AHCTF1: variants seen among roughly 807,000 people sequenced by gnomAD.
AHCTF1 encodes protein ELYS.
AHCTF1 carries 24 observed loss-of-function variants against 248.4 expected under a neutral mutation model. The observed-to-expected ratio is 0.10, with a 90% CI of 0.07 to 0.14. AHCTF1 has a LOEUF of 0.14. Among genes scored for constraint, AHCTF1 ranks in the 10% least tolerant of loss-of-function variants. The probability of loss-of-function intolerance (pLI) is 1.00; values close to 1 mark genes in which losing one functional copy is unlikely to be tolerated. For synonymous variants in AHCTF1, 786 were observed against 929.8 expected (o/e 0.85, Z 2.81); for missense variants, 2,206 against 2,636.2 (o/e 0.84, Z 3.57).
chr1:246,918,466 C>CA, intron 1 of AHCTF1, 89 bp from the exon 2 acceptor site: 1 of 1,248,504 alleles, frequency 8.0e-7, no homozygotes, highest in East Asian at 2.9e-5. Flanking sequence ...CAGTAAAAGC[C>CA]ACCAACAAAA....
At position 246,860,191 on chromosome 1, in the gene AHCTF1, G is replaced by C. The variant is rs987242121; in HGVS notation, c.4132+708C>G. Among the ~76,000 whole-genome samples the C allele has an allele frequency of 1.9e-3, 45 of 23,932 alleles. No homozygotes were observed. The African/African-American group carries it at 0.055, about 29-fold the overall frequency. The allele number at this position is 23,932 out of a possible 152,430, so 15.7% of individuals were successfully genotyped here. On this transcript the variant is annotated intron_variant, in intron 29 of 35. Coordinates refer to ENST00000648844, the MANE Select transcript of AHCTF1 (RefSeq NM_001323342.2). ...AGAAGAACTGCTTGAACCTGGTTGG[G>C]GGGGGGGCGGAGGTTGCAGTGAGCC... is the stretch of plus-strand genomic sequence containing the variant.
intron 29 of AHCTF1, 25 bp from the exon 30 acceptor site, chr1:246,857,839 T>C (rs556378764): frequency 4.6e-5 from 72 of 1,571,062 alleles, no homozygotes; most frequent in Middle Eastern, 1.7e-4. Flanking sequence ...AATAAGAATA[T>C]TATTTATGCT....
In AHCTF1 at chr1:246,849,778, T is replaced by C; in HGVS notation, c.6228A>G (p.Glu2076=). ...EERTDEMTHK[E]TNEQEERLLA... ...GCAATCTTTCTTCCTGCTCATTTGTTTCTTTATGTGTCATTTCATCTGTGC... is the reference window on the plus strand; with the variant it reads ...GCAATCTTTCTTCCTGCTCATTTGTCTCTTTATGTGTCATTTCATCTGTGC... The change falls in exon 33 of 36, where the codon GAA becomes GAG. Residue 2076 remains glutamate, a synonymous_variant. Coordinates refer to ENST00000648844, the MANE Select transcript of AHCTF1 (RefSeq NM_001323342.2). 1 of 1,613,974 alleles carries C rather than the reference T, an allele frequency of 6.2e-7. No individual in the cohort carries two copies.
chr1:246,867,925 C>T (rs568591563), intron 24 of AHCTF1, 114 bp from the exon 25 acceptor site: 3 of 347,788 alleles, frequency 8.6e-6, no homozygotes, highest in African/African-American at 3.2e-5. Flanking sequence ...ACACACATTA[C>T]GTGGTAATAC....
intron 33 of AHCTF1, among the ~76,000 whole-genome samples, chr1:246,847,230 A>G (rs1660335493): frequency 6.6e-6 from 1 of 151,730 alleles, no homozygotes; most frequent in Non-Finnish European, 1.5e-5. Flanking sequence ...CGGAGGTTGC[A>G]GTGAGCCAAG....
intron 4 of AHCTF1, among the ~76,000 whole-genome samples, chr1:246,910,759 C>A (rs545669849): frequency 1.4e-5 from 2 of 139,666 alleles, no homozygotes; most frequent in African/African-American, 5.8e-5. Flanking sequence ...CAAATCACTT[C>A]TGCTTCTGAT....
At chr1:246,885,388 T>C in intron 21 of AHCTF1, 105 bp downstream of exon 21, 2 of 945,680 alleles carry the variant, frequency 2.1e-6, no homozygotes, top group Non-Finnish European at 3.1e-6. Flanking sequence ...AAGGACTGAC[T>C]TTACTGACTT....
intron 2 of AHCTF1, 59 bp from the exon 3 acceptor site, chr1:246,916,454 G>A (rs757249410): frequency 6.9e-6 from 10 of 1,449,928 alleles, no homozygotes; most frequent in South Asian, 3.9e-5. Context: ...ATGCAATAAC[G>A]GTTAGCTCAT....
At chr1:246,852,564 T>C (rs1314444359) in intron 32 of AHCTF1, among the ~76,000 whole-genome samples, 1 of 152,108 alleles carries the variant, frequency 6.6e-6, no homozygotes, top group Non-Finnish European at 1.5e-5. Context: ...CACCAGCCAG[T>C]TGACTATCAT....
At chr1:246,915,182 T>C (rs1308034120) in intron 3 of AHCTF1, among the ~76,000 whole-genome samples, 2 of 151,980 alleles carry the variant, frequency 1.3e-5, no homozygotes, top group African/African-American at 4.8e-5. Flanking sequence ...ATACAAAAAT[T>C]AGCTGGGCGT....
At chr1:246,898,029 T>C (rs1011925487) in intron 12 of AHCTF1, among the ~76,000 whole-genome samples, 179 bp downstream of exon 12, 1 of 152,226 alleles carries the variant, frequency 6.6e-6, no homozygotes, top group African/African-American at 2.4e-5. Context: ...TTATGGCCTA[T>C]TGGGTATTAG....
intron 28 of AHCTF1, 42 bp downstream of exon 28, chr1:246,861,917 T>C: frequency 6.6e-7 from 1 of 1,525,212 alleles, no homozygotes; most frequent in Non-Finnish European, 9.0e-7. Flanking sequence ...TAATACATTC[T>C]TATTAAAAAA....
intron 35 of AHCTF1, among the ~76,000 whole-genome samples, chr1:246,842,448 G>T (rs1420454299): frequency 3.3e-5 from 5 of 151,930 alleles, no homozygotes; most frequent in African/African-American, 1.2e-4. Context: ...CAGGTGTGGT[G>T]GTGGGCACCT....
intron 6 of AHCTF1, 81 bp from the exon 7 acceptor site, chr1:246,904,114 T>C: frequency 4.8e-6 from 6 of 1,259,236 alleles, no homozygotes; most frequent in Non-Finnish European, 6.9e-6. Flanking sequence ...TTTAGTTTGC[T>C]TGCAATGTTG....
rs2103053909 is a variant in AHCTF1 at position 246,855,757 on chromosome 1, G to A, written c.4327C>T (p.Pro1443Ser). 6.2e-7 allele frequency: 1 copy of A among 1,612,778 alleles called. No homozygotes were observed. Among genetic ancestry groups the A allele is most frequent in the East Asian group, 2.2e-5 (1 of 44,796 alleles). The change falls in exon 31 of 36, where the codon CCT (proline) becomes TCT (serine). Residue 1443 changes from proline (P) to serine (S), a missense_variant. Pro to Ser is a moderately conservative substitution (Grantham distance 74, BLOSUM62 -1). Transcript: ENST00000648844. Reference protein sequence around the residue: ...EGLTSVETYTPAIRANDNKSM... With the variant: ...EGLTSVETYTSAIRANDNKSM... ...TTATTGTCATTTGCTCTAATTGCAG[G>A]GGTGTAGGTTTCAACAGATGTTAAT...
chr1:246,925,729 G>A (rs981247439), intron 1 of AHCTF1, among the ~76,000 whole-genome samples: 1 of 152,112 alleles, frequency 6.6e-6, no homozygotes, highest in Non-Finnish European at 1.5e-5. Context: ...TGGGTCATGG[G>A]AGAGGACCCC....
intron 34 of AHCTF1, among the ~76,000 whole-genome samples, chr1:246,843,254 C>A (rs1048045187): frequency 1.3e-5 from 2 of 152,226 alleles, no homozygotes; most frequent in Non-Finnish European, 2.9e-5. Context: ...TCTCCTCTAA[C>A]CTCGGTCTAT....
At chr1:246,924,269 TTTC>T (rs1399033835) in intron 1 of AHCTF1, among the ~76,000 whole-genome samples, 4 of 152,210 alleles carry the variant, frequency 2.6e-5, no homozygotes, top group African/African-American at 9.7e-5. Flanking sequence ...TCCTTTCAGT[TTTC>T]TTATGAAATT....
At chr1:246,869,561 G>A (rs1177669325) in intron 24 of AHCTF1, among the ~76,000 whole-genome samples, 6 of 152,080 alleles carry the variant, frequency 3.9e-5, no homozygotes, top group African/African-American at 9.7e-5. Context: ...TAAATTAAAG[G>A]CAATCACCAT....
Sources: gnomAD v4.1 joint callset for allele counts (sites outside exome capture counted in the v4.1 genomes callset) on GRCh38, gnomAD v4.1.1 for gene constraint, MANE v1.5 for transcripts, NCBI Gene and HGNC (gene_info 2026-07-23, HGNC 2026-07-21) for gene names.